EPHA6: variants seen among roughly 807,000 people sequenced by gnomAD.
The protein encoded by EPHA6 is ephrin type-A receptor 6.
A neutral mutation model predicts 112.0 loss-of-function variants in EPHA6; 50 were observed. The ratio of observed to expected loss-of-function variants is 0.45; its 90% confidence interval spans 0.36 to 0.56. The LOEUF is 0.56. Among genes scored for constraint, EPHA6 ranks in the 20% least tolerant of loss-of-function variants. EPHA6 has a pLI of 0.00. For synonymous variants in EPHA6, 529 were observed against 490.7 expected (o/e 1.08, Z -1.03); for missense variants, 1,280 against 1,417.4 (o/e 0.90, Z 1.56).
chr3:97,429,292 G>T (rs986465544), intron 6 of EPHA6, among the ~76,000 whole-genome samples: 2 of 152,102 alleles, frequency 1.3e-5, no homozygotes, highest in Non-Finnish European at 2.9e-5. Flanking sequence ...AATTATGCAT[G>T]TATCTTTTTT....
chr3:97,041,705 G>A (rs1409243652), intron 3 of EPHA6, among the ~76,000 whole-genome samples: 1 of 152,178 alleles, frequency 6.6e-6, no homozygotes, highest in East Asian at 1.9e-4. Context: ...GCATAGCTGG[G>A]AGGCCTTAGG....
chr3:96,845,740 A>G (rs190261303), intron 1 of EPHA6, among the ~76,000 whole-genome samples: 2 of 152,158 alleles, frequency 1.3e-5, no homozygotes, highest in Admixed American at 1.3e-4. Context: ...ATTTGTTGAT[A>G]TGAAGGGTAA....
intron 5 of EPHA6, among the ~76,000 whole-genome samples, chr3:97,403,894 G>T (rs998844927): frequency 1.3e-5 from 2 of 152,034 alleles, no homozygotes; most frequent in African/African-American, 2.4e-5. Flanking sequence ...ATAATTATTT[G>T]TTATTCTTAG....
chr3:97,576,854 G>A (rs1256357201), intron 11 of EPHA6, among the ~76,000 whole-genome samples: 2 of 152,104 alleles, frequency 1.3e-5, no homozygotes, highest in Non-Finnish European at 2.9e-5. Flanking sequence ...GTTTTTAAGT[G>A]TGAAAGGTAC....
chr3:97,513,450 A>T (rs774081367), intron 10 of EPHA6, among the ~76,000 whole-genome samples: 4 of 152,340 alleles, frequency 2.6e-5, no homozygotes, highest in South Asian at 2.1e-4. Context: ...TGGATTTTTT[A>T]AAATGTGATG....
At position 97,164,650 on chromosome 3, in the gene EPHA6, A is replaced by G. The variant is rs76002237; in HGVS notation, c.1115-61614A>G. Among the ~76,000 whole-genome samples the G allele has an allele frequency of 4.9e-3, 741 of 152,196 alleles. 6 individuals carry two copies. Among genetic ancestry groups the G allele is most frequent in the African/African-American group, 0.016 (657 of 41,544 alleles). The stretch of plus-strand genomic sequence containing the variant: ...ATTATATCTTCAAATAACTGGTGTT[A>G]TTTGAAGCTATATTATATTCACATG... On this transcript the variant is annotated intron_variant, in intron 3 of 17. Coordinates refer to ENST00000389672, the MANE Select transcript of EPHA6 (RefSeq NM_001080448.3).
chr3:97,352,236 A>G lies in EPHA6; in HGVS notation c.1607-52914A>G, dbSNP rs562942001. Among the ~76,000 whole-genome samples the G allele has an allele frequency of 4.6e-5, 7 of 152,254 alleles. No individual in the cohort carries two copies. The South Asian group carries it at 1.2e-3, about 27-fold the overall frequency. ...AAATATATTTGGGTTCAAGGGTGGA[A>G]CAAGATGGCCAAATAGAACACTCCA... On this transcript the variant is annotated intron_variant, in intron 5 of 17. Transcript: ENST00000389672.
chr3:96,901,750 C>T (rs62263677), intron 2 of EPHA6, among the ~76,000 whole-genome samples: 4,737 of 152,152 alleles, frequency 0.031, 105 homozygotes, highest in Middle Eastern at 0.068. Flanking sequence ...CTGGGCAAGA[C>T]CCTGCAAGTA....
At chr3:96,828,905 G>T (rs1435673324) in intron 1 of EPHA6, among the ~76,000 whole-genome samples, 2 of 152,096 alleles carry the variant, frequency 1.3e-5, no homozygotes, top group African/African-American at 4.8e-5. Flanking sequence ...ACTGACAAAT[G>T]AATTTCCATT....
At chr3:97,410,149 A>G (rs561622276) in intron 6 of EPHA6, among the ~76,000 whole-genome samples, 11 of 152,166 alleles carry the variant, frequency 7.2e-5, no homozygotes, top group African/African-American at 2.6e-4. Flanking sequence ...ATACTCCTCA[A>G]TATCACACTT....
rs538985350 is a variant in EPHA6 at position 97,509,474 on chromosome 3, C to T, written c.2201-22884C>T. On this transcript the variant is annotated intron_variant, in intron 10 of 17. Transcript: ENST00000389672. ...TAGTTTGGCTGGATATGAAATTCTT[C>T]GTTGAAAATTCATTTATTTAAGAAT... Among the ~76,000 whole-genome samples the T allele has an allele frequency of 9.2e-5, 14 of 152,088 alleles. No homozygotes were observed. In the South Asian group the frequency reaches 1.2e-3, roughly 14 times the overall value.
At chr3:97,081,066 C>A (rs1216706311) in intron 3 of EPHA6, among the ~76,000 whole-genome samples, 1 of 150,970 alleles carries the variant, frequency 6.6e-6, no homozygotes, top group East Asian at 1.9e-4. Flanking sequence ...TTGTATTCCT[C>A]AACATAATGC....
chr3:97,271,977 A>G (rs1274924660), intron 5 of EPHA6, among the ~76,000 whole-genome samples: 1 of 152,186 alleles, frequency 6.6e-6, no homozygotes, highest in Admixed American at 6.5e-5. Flanking sequence ...AATTTACAGT[A>G]TACAGTATTG....
intron 6 of EPHA6, among the ~76,000 whole-genome samples, chr3:97,406,672 AT>A (rs1490304697): frequency 6.6e-6 from 1 of 152,172 alleles, no homozygotes; most frequent in East Asian, 1.9e-4. Context: ...AGCTGTATCC[AT>A]TTTTTGTTGC....
chr3:97,597,420 T>C (rs1264709214), intron 12 of EPHA6, among the ~76,000 whole-genome samples: 1 of 152,206 alleles, frequency 6.6e-6, no homozygotes. Context: ...ATATTTGCGA[T>C]TACTGAGTAT....
intron 3 of EPHA6, among the ~76,000 whole-genome samples, chr3:97,137,152 G>T (rs988482766): frequency 6.6e-6 from 1 of 152,162 alleles, no homozygotes; most frequent in African/African-American, 2.4e-5. Flanking sequence ...TATAAATTCA[G>T]TGGGGGGACA....
intron 4 of EPHA6, among the ~76,000 whole-genome samples, chr3:97,240,669 C>T (rs1039232556): frequency 1.3e-5 from 2 of 151,804 alleles, no homozygotes; most frequent in African/African-American, 4.8e-5. Context: ...TGAAATATGG[C>T]CCTTCAGCTT....
At chr3:97,058,173 A>G (rs2045909408) in intron 3 of EPHA6, among the ~76,000 whole-genome samples, 1 of 152,154 alleles carries the variant, frequency 6.6e-6, no homozygotes, top group African/African-American at 2.4e-5. Flanking sequence ...ACATGTTTAC[A>G]TATACAAAGG....
chr3:97,368,361 A>G (rs781414808), intron 5 of EPHA6, among the ~76,000 whole-genome samples: 9 of 152,068 alleles, frequency 5.9e-5, no homozygotes, highest in African/African-American at 9.7e-5. Context: ...ATTTATAAAT[A>G]TGATAAAGAA....
Sources: gnomAD v4.1 joint callset for allele counts (sites outside exome capture counted in the v4.1 genomes callset) on GRCh38, gnomAD v4.1.1 for gene constraint, MANE v1.5 for transcripts, NCBI Gene and HGNC (gene_info 2026-07-23, HGNC 2026-07-21) for gene names.